Variants in COL21A1 observed in about 807,000 individuals in gnomAD.
The protein encoded by COL21A1 is collagen alpha-1(XXI) chain.
Under a neutral mutation model 137.9 loss-of-function variants are expected in COL21A1, and 149 were observed. The ratio of observed to expected loss-of-function variants is 1.08; its 90% CI spans 0.95 to 1.24. The LOEUF (loss-of-function observed/expected upper bound fraction) is 1.24, where lower values mean the gene tolerates loss of function less well. Among genes scored for constraint, COL21A1 ranks in the 50% most tolerant of loss-of-function variants. The pLI, the probability that COL21A1 is intolerant of heterozygous loss-of-function variation, is 0.00. For missense variants in COL21A1, 1,167 were observed against 1,158.4 expected, an observed-to-expected ratio of 1.01 and a Z score of -0.11; for synonymous variants, 456 against 391.5, an observed-to-expected ratio of 1.16 and a Z score of -1.95.
At chr6:56,253,292 C>T (rs77633132) in intron 1 of COL21A1, among the ~76,000 whole-genome samples, 10,998 of 152,156 alleles carry the variant, frequency 0.072, 446 homozygotes, top group Middle Eastern at 0.13. Flanking sequence ...GATTTTGGTT[C>T]GTATGAAAAC....
intron 12 of COL21A1, among the ~76,000 whole-genome samples, chr6:56,130,287 T>A (rs1446118152): frequency 6.7e-6 from 1 of 149,160 alleles, no homozygotes; most frequent in Non-Finnish European, 1.5e-5. Flanking sequence ...ATTATATATA[T>A]ATATTTCCCT....
At chr6:56,061,617 A>G (rs1365671707) in intron 25 of COL21A1, 32 bp downstream of exon 25, 3 of 1,520,206 alleles carry the variant, frequency 2.0e-6, no homozygotes, top group Non-Finnish European at 2.7e-6. Context: ...GAAGAAAGAG[A>G]GCAAGAGAGC....
chr6:56,067,372 T>C (rs1306209877), intron 22 of COL21A1, 42 bp from the exon 23 acceptor site: 1 of 1,538,304 alleles, frequency 6.5e-7, no homozygotes, highest in East Asian at 2.3e-5. Flanking sequence ...TCTAGCATAT[T>C]CTGTACAGTT....
intron 1 of COL21A1, among the ~76,000 whole-genome samples, chr6:56,304,473 G>A (rs1225627764): frequency 6.6e-6 from 1 of 152,182 alleles, no homozygotes; most frequent in African/African-American, 2.4e-5. Flanking sequence ...GGGTGTATGT[G>A]TCGAGGAATT....
intron 1 of COL21A1, among the ~76,000 whole-genome samples, chr6:56,384,275 T>G (rs1466362815): frequency 6.6e-6 from 1 of 152,116 alleles, no homozygotes; most frequent in Non-Finnish European, 1.5e-5. Flanking sequence ...TCTCACACCC[T>G]CCCTGGCAGG....
intron 1 of COL21A1, among the ~76,000 whole-genome samples, chr6:56,194,855 C>T (rs1372275458): frequency 1.3e-5 from 2 of 152,090 alleles, no homozygotes; most frequent in African/African-American, 4.8e-5. Flanking sequence ...CATGTTAAAA[C>T]TTAATCCTTA....
At chr6:56,175,659 G>GAAATATA (rs1777412685) in intron 3 of COL21A1, among the ~76,000 whole-genome samples, 1 of 152,090 alleles carries the variant, frequency 6.6e-6, no homozygotes, top group Non-Finnish European at 1.5e-5. Flanking sequence ...AATATATCTT[G>GAAATATA]TGTTCATGGA....
At chr6:56,282,367 GT>G (rs67367409) in intron 1 of COL21A1, among the ~76,000 whole-genome samples, 135,074 of 152,144 alleles carry the variant, frequency 0.89, 60,100 homozygotes, top group African/African-American at 0.93. Flanking sequence ...CATACGCATG[GT>G]TTTTTCATAA....
At position 56,057,775 on chromosome 6, in the gene COL21A1, C is replaced by T. The variant is rs750677253; in HGVS notation, c.2756G>A (p.Gly919Glu). 2.5e-6 allele frequency: 4 copies of T among 1,607,984 alleles called. No homozygotes were observed. Among genetic ancestry groups the T allele is most frequent in the Non-Finnish European group, 3.4e-6 (4 of 1,177,432 alleles). Residue 919 changes from glycine (G) to glutamate (E), a missense_variant, in exon 30 of 30, where the codon GGA becomes GAA. Transcript: ENST00000244728. ...PGDPGLPGKD[G>E]DHGKPGIQGQ... ...TTGGATTCCAGGTTTTCCATGGTCTCCATCTTTGCCAGGGAGACCTGGGTC... is the reference window on the plus strand; with the variant it reads ...TTGGATTCCAGGTTTTCCATGGTCTTCATCTTTGCCAGGGAGACCTGGGTC...
chr6:56,301,266 G>A (rs1280329163), intron 1 of COL21A1, among the ~76,000 whole-genome samples: 4 of 152,122 alleles, frequency 2.6e-5, no homozygotes, highest in Non-Finnish European at 5.9e-5. Flanking sequence ...TCATTTTAAG[G>A]AGGCACAATG....
intron 1 of COL21A1, among the ~76,000 whole-genome samples, chr6:56,331,346 T>A (rs1417516735): frequency 2.6e-5 from 4 of 152,020 alleles, no homozygotes; most frequent in Non-Finnish European, 4.4e-5. Context: ...TGTCATAAAT[T>A]CTTTCTTAGG....
At chr6:56,156,215 G>A (rs1406199438) in intron 10 of COL21A1, among the ~76,000 whole-genome samples, 1 of 152,148 alleles carries the variant, frequency 6.6e-6, no homozygotes, top group African/African-American at 2.4e-5. Flanking sequence ...TTTCTTTGCA[G>A]CAAAGATGTA....
At chr6:56,172,746 A>G (rs11752872) in intron 3 of COL21A1, among the ~76,000 whole-genome samples, 3,607 of 152,274 alleles carry the variant, frequency 0.024, 80 homozygotes, top group Non-Finnish European at 0.038. Context: ...GATATAAAAT[A>G]TAAAAAGATG....
chr6:56,196,826 G>T (rs1413256572), intron 1 of COL21A1, among the ~76,000 whole-genome samples: 1 of 151,968 alleles, frequency 6.6e-6, no homozygotes, highest in African/African-American at 2.4e-5. Context: ...TATAGATTTA[G>T]TTCAATCATT....
At chr6:56,392,638 G>A (rs568811303) in intron 1 of COL21A1, among the ~76,000 whole-genome samples, 3 of 151,974 alleles carry the variant, frequency 2.0e-5, no homozygotes, top group African/African-American at 7.2e-5. Context: ...TTCAGTAAAC[G>A]AATTCAGTAA....
intron 1 of COL21A1, among the ~76,000 whole-genome samples, chr6:56,242,049 A>G (rs982948720): frequency 2.0e-5 from 3 of 152,164 alleles, no homozygotes; most frequent in Admixed American, 6.5e-5. Flanking sequence ...GTGAACACTA[A>G]CAAGGAATGT....
At position 56,060,202 on chromosome 6, in the gene COL21A1, T is replaced by C. The variant is rs774046654; in HGVS notation, c.2424A>G (p.Leu808=). The change falls in exon 28 of 30, where the codon TTA becomes TTG. Residue 808 remains leucine, a synonymous_variant. Transcript: ENST00000244728. Reference sequence around the variant, plus strand: ...AATTTCTAATTCTTCCACTCTGAAGTAAGACTGGTAGCTGGGCTTTCAAAA... The same window carrying C: ...AATTTCTAATTCTTCCACTCTGAAGCAAGACTGGTAGCTGGGCTTTCAAAA... ...TDVIRAQLPV[L]LQSGRIRNCD... 2 of 1,603,026 alleles carry C rather than the reference T, an allele frequency of 1.2e-6. No homozygotes were observed. The highest frequency in any genetic ancestry group is 3.5e-5 in the Admixed American group (2 of 57,246).
rs551322052 is a variant in COL21A1, at chr6:56,306,484, T to C, written c.-39+87487A>G. On this transcript the variant is annotated intron_variant, in intron 1 of 28. Coordinates refer to the COL21A1 transcript ENST00000370819. ...TTCTTGCTTCATTTCATTCATTTCA[T>C]CTTCCATCACTGATACCCTTTCTTC... is the stretch of plus-strand genomic sequence containing the variant. 2.1e-4 allele frequency among the ~76,000 whole-genome samples: 32 copies of C among 152,358 alleles called. No individual in the cohort carries two copies. In the East Asian group the frequency reaches 3.9e-3, roughly 18 times the overall value.
intron 1 of COL21A1, among the ~76,000 whole-genome samples, chr6:56,208,041 A>C (rs1473265349): frequency 1.3e-5 from 2 of 152,172 alleles, no homozygotes; most frequent in African/African-American, 4.8e-5. Context: ...TCTCAAAATC[A>C]TAAGAGCTAT....
Sources: gnomAD v4.1 joint callset for allele counts (sites outside exome capture counted in the v4.1 genomes callset) on GRCh38, gnomAD v4.1.1 for gene constraint, MANE v1.5 for transcripts, NCBI Gene and HGNC (gene_info 2026-07-23, HGNC 2026-07-21) for gene names.